Variants in ANP32B observed in about 807,000 individuals in gnomAD.
ANP32B encodes acidic nuclear phosphoprotein 32 family member B.
ANP32B carries 6 observed loss-of-function variants against 32.2 expected under a neutral mutation model. The ratio of observed to expected loss-of-function variants is 0.19; its 90% confidence interval spans 0.10 to 0.37. The LOEUF is 0.37. Among genes scored for constraint, ANP32B ranks in the 10% least tolerant of loss-of-function variants. The pLI is 1.00. For synonymous variants in ANP32B, 98 were observed against 105.8 expected, an observed-to-expected ratio of 0.93 and a Z score of 0.45; for missense variants, 204 against 289.2, an observed-to-expected ratio of 0.71 and a Z score of 2.14.
intron 6 of ANP32B, 42 bp downstream of exon 6, chr9:98,012,514 T>A: frequency 6.2e-7 from 1 of 1,604,310 alleles, no homozygotes; most frequent in Non-Finnish European, 8.5e-7. Context: ...CAGTTAAAAA[T>A]TAGAGAAAAA....
At chr9:97,991,577 C>G (rs985014131) in intron 1 of ANP32B, among the ~76,000 whole-genome samples, 3 of 152,102 alleles carry the variant, frequency 2.0e-5, no homozygotes, top group Non-Finnish European at 4.4e-5. Flanking sequence ...TTTCCGTAAT[C>G]GAGAGGTTAC....
chr9:97,997,478 T>A (rs1297161178), intron 2 of ANP32B, among the ~76,000 whole-genome samples: 1 of 152,192 alleles, frequency 6.6e-6, no homozygotes, highest in African/African-American at 2.4e-5. Flanking sequence ...AGCATAATAA[T>A]GAGGACATGG....
intron 4 of ANP32B, among the ~76,000 whole-genome samples, chr9:98,010,315 G>T (rs1200137873): frequency 4.0e-5 from 6 of 150,382 alleles, no homozygotes; most frequent in Non-Finnish European, 4.4e-5. Context: ...AGGTATGGTG[G>T]CTCACACTTG....
intron 1 of ANP32B, among the ~76,000 whole-genome samples, chr9:97,984,147 G>A (rs1382661800): frequency 2.0e-5 from 3 of 150,286 alleles, no homozygotes; most frequent in Non-Finnish European, 4.4e-5. Flanking sequence ...GCAGTCGTGG[G>A]GCGAGGAGGG....
intron 3 of ANP32B, 115 bp from the exon 4 acceptor site, chr9:98,004,849 C>G (rs1587878138): frequency 1.4e-6 from 1 of 734,614 alleles, no homozygotes; most frequent in Non-Finnish European, 2.2e-6. Flanking sequence ...ATATATGAGG[C>G]TGAGTGGGTA....
chr9:98,012,333 G>T, intron 5 of ANP32B, 88 bp from the exon 6 acceptor site: 1 of 1,450,852 alleles, frequency 6.9e-7, no homozygotes, highest in Non-Finnish European at 9.3e-7. Context: ...GCATTTATTT[G>T]TACTTCTTAG....
chr9:98,003,838 A>G (rs1210903408), intron 3 of ANP32B, among the ~76,000 whole-genome samples: 1 of 152,128 alleles, frequency 6.6e-6, no homozygotes, highest in African/African-American at 2.4e-5. Flanking sequence ...TTGATTCAGA[A>G]CCATTAAAGG....
intron 6 of ANP32B, among the ~76,000 whole-genome samples, chr9:98,015,082 A>G (rs1828252106): frequency 1.3e-5 from 2 of 152,160 alleles, no homozygotes; most frequent in South Asian, 4.1e-4. Context: ...CACTTTAATA[A>G]TTGCTAGATT....
At chr9:97,990,767 AATG>A (rs1827810736) in intron 1 of ANP32B, among the ~76,000 whole-genome samples, 2 of 151,098 alleles carry the variant, frequency 1.3e-5, no homozygotes, top group South Asian at 4.2e-4. Flanking sequence ...ACAAGAGTAG[AATG>A]ATACCTCATT....
At chr9:97,995,096 T>A (rs1304678388) in intron 2 of ANP32B, among the ~76,000 whole-genome samples, 1 of 152,206 alleles carries the variant, frequency 6.6e-6, no homozygotes, top group East Asian at 1.9e-4. Context: ...CTGTGTTGAG[T>A]AATTTATTTG....
chr9:97,985,765 T>TGAA, intron 1 of ANP32B, among the ~76,000 whole-genome samples: 1 of 152,358 alleles, frequency 6.6e-6, no homozygotes, highest in South Asian at 2.1e-4. Context: ...TTTTCATATA[T>TGAA]GAAGTAATAT....
intron 4 of ANP32B, among the ~76,000 whole-genome samples, chr9:98,010,506 G>A (rs73492709): frequency 0.076 from 11,531 of 152,172 alleles, 1,417 homozygotes; most frequent in African/African-American, 0.26. Flanking sequence ...ACATACTCAT[G>A]GTGAGAGCCT....
intron 2 of ANP32B, among the ~76,000 whole-genome samples, chr9:97,995,443 T>C (rs990052536): frequency 6.6e-6 from 1 of 152,190 alleles, no homozygotes; most frequent in Admixed American, 6.5e-5. Flanking sequence ...CAATATTCGC[T>C]TTACTAGGAA....
Position 98,004,945 on chromosome 9 carries a change from T to C in ANP32B, c.328-19T>C. 6.3e-7 allele frequency: 1 copy of C among 1,592,954 alleles called. No homozygotes were observed. The highest frequency in any genetic ancestry group is 8.5e-7 in the Non-Finnish European group (1 of 1,170,590). On this transcript the variant is annotated intron_variant, in intron 3 of 6. Coordinates refer to ENST00000339399, the MANE Select transcript of ANP32B (RefSeq NM_006401.3). ...ATTCCTTTGGTTTAGGAGTTGTGGT[T>C]TTTGATCCTTTTCTTCAGAAAAAGT...
Position 97,991,866 on chromosome 9 carries a change from C to A in ANP32B, c.55-2765C>A, listed in dbSNP as rs192463104. ...ATTTATAATATATCCACACACTGTG[C>A]TTTCTTAAAAAATACTCTGTGATCA... On this transcript the variant is annotated intron_variant, in intron 1 of 6. Coordinates refer to ENST00000339399, the MANE Select transcript of ANP32B (RefSeq NM_006401.3). 4.0e-3 allele frequency among the ~76,000 whole-genome samples: 613 copies of A among 152,292 alleles called. 3 individuals are homozygous for A. The highest frequency in any genetic ancestry group is 0.014 in the African/African-American group (563 of 41,554).
At chr9:97,985,135 C>G (rs765426047) in intron 1 of ANP32B, among the ~76,000 whole-genome samples, 1 of 151,334 alleles carries the variant, frequency 6.6e-6, no homozygotes, top group Non-Finnish European at 1.5e-5. Context: ...GGGCCAGTGG[C>G]TTTCCCGCGG....
chr9:97,991,825 G>A (rs1482707689), intron 1 of ANP32B, among the ~76,000 whole-genome samples: 3 of 152,168 alleles, frequency 2.0e-5, no homozygotes, highest in Non-Finnish European at 1.5e-5. Flanking sequence ...TGTTCAACAC[G>A]AAGGATTGTA....
intron 2 of ANP32B, among the ~76,000 whole-genome samples, chr9:97,997,239 C>G (rs1225834314): frequency 6.6e-6 from 1 of 152,170 alleles, no homozygotes; most frequent in East Asian, 1.9e-4. Flanking sequence ...AAACCTAGAC[C>G]ATGACTATTT....
intron 4 of ANP32B, among the ~76,000 whole-genome samples, chr9:98,010,653 A>G (rs1321437269): frequency 6.6e-6 from 1 of 152,010 alleles, no homozygotes; most frequent in Non-Finnish European, 1.5e-5. Flanking sequence ...AGGTGAGAGC[A>G]TGGTGTGCTC....
Sources: gnomAD v4.1 joint callset for allele counts (sites outside exome capture counted in the v4.1 genomes callset) on GRCh38, gnomAD v4.1.1 for gene constraint, MANE v1.5 for transcripts, NCBI Gene and HGNC (gene_info 2026-07-23, HGNC 2026-07-21) for gene names.